Variants in RNF144A observed in about 807,000 individuals in gnomAD.
RNF144A encodes the protein ring finger protein 144A.
In RNF144A, 11 loss-of-function variants were observed where a neutral mutation model predicts 38.7. That is an observed-to-expected ratio of 0.28 (90% confidence interval 0.18 to 0.47). The LOEUF is 0.47. RNF144A is among the 20% of genes least tolerant of loss of function. The pLI is 0.99. For missense variants in RNF144A, 316 were observed against 377.2 expected, an observed-to-expected ratio of 0.84 and a Z score of 1.34; for synonymous variants, 149 against 143.9, an observed-to-expected ratio of 1.04 and a Z score of -0.25.
At chr2:6,967,882 A>T (rs1182166574) in intron 2 of RNF144A, among the ~76,000 whole-genome samples, 1 of 152,222 alleles carries the variant, frequency 6.6e-6, no homozygotes, top group Non-Finnish European at 1.5e-5. Context: ...TTAAAAGTTC[A>T]TGAACATCCT....
intron 8 of RNF144A, among the ~76,000 whole-genome samples, chr2:7,037,154 T>C (rs1439477495): frequency 6.6e-6 from 1 of 152,114 alleles, no homozygotes; most frequent in Non-Finnish European, 1.5e-5. Context: ...TCTTTTTGCT[T>C]TGTGATATTT....
chr2:6,992,502 A>C (rs990300114), intron 2 of RNF144A, among the ~76,000 whole-genome samples: 5 of 152,192 alleles, frequency 3.3e-5, no homozygotes, highest in Admixed American at 1.3e-4. Context: ...GGTGTGGAGA[A>C]CGGGTAAGGA....
chr2:6,984,097 G>A (rs1445912616), intron 2 of RNF144A, among the ~76,000 whole-genome samples: 1 of 152,114 alleles, frequency 6.6e-6, no homozygotes, highest in Non-Finnish European at 1.5e-5. Context: ...TCAGTGCACA[G>A]TCTCAGCCCC....
chr2:6,919,630 G>A (rs1664404073), intron 1 of RNF144A, among the ~76,000 whole-genome samples: 1 of 152,078 alleles, frequency 6.6e-6, no homozygotes, highest in Non-Finnish European at 1.5e-5. Context: ...TGTGGCTTCC[G>A]AGTCAGACCC....
At chr2:6,956,862 A>G (rs150838698) in intron 2 of RNF144A, among the ~76,000 whole-genome samples, 256 of 152,308 alleles carry the variant, frequency 1.7e-3, no homozygotes, top group African/African-American at 5.5e-3. Context: ...ATCTGCAGCA[A>G]AGTTCTGACT....
intron 6 of RNF144A, among the ~76,000 whole-genome samples, chr2:7,050,822 G>A (rs1395836721): frequency 3.3e-5 from 5 of 152,206 alleles, no homozygotes; most frequent in Non-Finnish European, 4.4e-5. Context: ...GGGGAATGTC[G>A]AAGGGAACGG....
chr2:7,018,586 C>T (rs1237613043), intron 5 of RNF144A, among the ~76,000 whole-genome samples: 1 of 152,214 alleles, frequency 6.6e-6, no homozygotes, highest in Non-Finnish European at 1.5e-5. Context: ...AGGCATCTGC[C>T]CCCACACATG....
In RNF144A at chr2:7,016,292, T is replaced by C. The variant is rs150893382; in HGVS notation, c.301+1520T>C. 4.9e-3 allele frequency among the ~76,000 whole-genome samples: 746 copies of C among 152,266 alleles called. 6 individuals carry two copies. Among genetic ancestry groups the C allele is most frequent in the African/African-American group, 0.016 (678 of 41,556 alleles). On this transcript the variant is annotated intron_variant, in intron 5 of 8. Transcript: ENST00000320892. Reference sequence around the variant, plus strand: ...GCCATTTGGTACAAAAGTCAGTACGTAGGGCAATAAAATTGATTAATTTAG... The same window carrying C: ...GCCATTTGGTACAAAAGTCAGTACGCAGGGCAATAAAATTGATTAATTTAG...
chr2:7,035,070 C>G (rs1672577221), intron 8 of RNF144A, among the ~76,000 whole-genome samples: 1 of 152,240 alleles, frequency 6.6e-6, no homozygotes, highest in African/African-American at 2.4e-5. Flanking sequence ...TCATCTTCAT[C>G]TCTGCAAAGC....
chr2:7,012,370 A>C (rs1490283073), intron 3 of RNF144A, among the ~76,000 whole-genome samples: 2 of 152,198 alleles, frequency 1.3e-5, no homozygotes, highest in Non-Finnish European at 2.9e-5. Flanking sequence ...TTTATTGTCA[A>C]GTGCAGGGAG....
chr2:6,930,414 TTAGTTTTGTAA>T (rs747700027), intron 1 of RNF144A, among the ~76,000 whole-genome samples: 19 of 152,122 alleles, frequency 1.2e-4, no homozygotes, highest in Admixed American at 2.6e-4. Context: ...GTAAATTCAC[TTAGTTTTGTAA>T]AAAATTAATT....
chr2:6,937,251 A>G lies in RNF144A; in HGVS notation c.-211-3697A>G, dbSNP rs778225403. On this transcript the variant is annotated intron_variant, in intron 1 of 8. Transcript: ENST00000320892. ...ATGACAAACAACCAAGTGAAATGCT[A>G]TGGCACTTCATTAGCGCCCATTTGC... Among the ~76,000 whole-genome samples the G allele has an allele frequency of 9.5e-4, 145 of 152,294 alleles. 1 individual carries two copies. The highest frequency in any genetic ancestry group is 2.8e-4 in the Non-Finnish European group (19 of 68,010).
chr2:6,922,579 C>T (rs1276403730), intron 1 of RNF144A, among the ~76,000 whole-genome samples: 1 of 151,338 alleles, frequency 6.6e-6, no homozygotes, highest in Non-Finnish European at 1.5e-5. Context: ...GCTTGACTGC[C>T]TCCTGCGAGC....
chr2:7,070,972 TCA>T, downstream of RNF144A, among the ~76,000 whole-genome samples: 1 of 145,492 alleles, frequency 6.9e-6, no homozygotes, highest in African/African-American at 2.6e-5. Flanking sequence ...TCTCACTCTG[TCA>T]CCCAAGTTGG....
intron 2 of RNF144A, among the ~76,000 whole-genome samples, chr2:6,945,465 A>G (rs1454320693): frequency 6.6e-6 from 1 of 152,184 alleles, no homozygotes; most frequent in Non-Finnish European, 1.5e-5. Flanking sequence ...ATGTTAAGTC[A>G]GTCTGTTGCT....
In RNF144A at chr2:7,020,669, C is replaced by T. The variant is rs923937876; in HGVS notation, c.498C>T (p.Pro166=). The T allele has an allele frequency of 3.4e-5, 55 of 1,603,224 alleles. No homozygotes were observed. The highest frequency in any genetic ancestry group is 4.6e-5 in the Non-Finnish European group (54 of 1,179,922). The stretch of plus-strand genomic sequence containing the variant: ...AGACCATGCCGATCACCTTCCTCCC[C>T]GGGGAGACCAGGTACCCTTTGTACA... ...CPETMPITFL[P]GETSAAFKME... is the part of the protein sequence containing the mutation. The change falls in exon 6 of 9, where the codon CCC becomes CCT. Residue 166 remains proline, a synonymous_variant. Coordinates refer to ENST00000320892, the MANE Select transcript of RNF144A (RefSeq NM_014746.6).
intron 1 of RNF144A, among the ~76,000 whole-genome samples, chr2:6,934,402 A>T (rs1665410790): frequency 6.6e-6 from 1 of 152,188 alleles, no homozygotes; most frequent in Non-Finnish European, 1.5e-5. Flanking sequence ...ATTCTTCATT[A>T]CATGTAATGA....
intron 1 of RNF144A, among the ~76,000 whole-genome samples, chr2:6,920,768 C>T (rs1664492433): frequency 6.6e-6 from 1 of 152,230 alleles, no homozygotes; most frequent in Non-Finnish European, 1.5e-5. Context: ...TTCTGCATTA[C>T]TGAAACACAT....
intron 2 of RNF144A, among the ~76,000 whole-genome samples, chr2:6,968,051 G>C (rs1366955588): frequency 6.6e-6 from 1 of 152,158 alleles, no homozygotes; most frequent in Non-Finnish European, 1.5e-5. Context: ...CCTCTTCAAA[G>C]GATTCTTAAT....
Sources: gnomAD v4.1 joint callset for allele counts (sites outside exome capture counted in the v4.1 genomes callset) on GRCh38, gnomAD v4.1.1 for gene constraint, MANE v1.5 for transcripts, NCBI Gene and HGNC (gene_info 2026-07-23, HGNC 2026-07-21) for gene names.